KCNH5: variants seen among roughly 807,000 people sequenced by gnomAD.
KCNH5 encodes voltage-gated delayed rectifier potassium channel KCNH5.
A neutral mutation model predicts 96.1 loss-of-function variants in KCNH5; 46 were observed. That is an observed-to-expected ratio of 0.48 (90% CI 0.38 to 0.61). The LOEUF (loss-of-function observed/expected upper bound fraction) is 0.61, where lower values mean the gene tolerates loss of function less well. Ranked by LOEUF, KCNH5 falls within the 20% of genes least tolerant of loss-of-function variation. KCNH5 has a pLI of 0.00. For synonymous variants in KCNH5, 439 were observed against 449.8 expected (o/e 0.98, Z 0.30); for missense variants, 907 against 1,225.8 (o/e 0.74, Z 3.88).
chr14:62,864,497 T>G (rs1888096187), intron 7 of KCNH5, among the ~76,000 whole-genome samples: 1 of 152,174 alleles, frequency 6.6e-6, no homozygotes, highest in Admixed American at 6.6e-5. Flanking sequence ...TTTTGCAAAT[T>G]ATATGACTGA....
chr14:62,915,051 C>G (rs2140103760), intron 7 of KCNH5, among the ~76,000 whole-genome samples: 1 of 152,298 alleles, frequency 6.6e-6, no homozygotes, highest in African/African-American at 2.4e-5. Context: ...GGAATCAGAC[C>G]AATGCACCAC....
chr14:62,877,456 GCT>G (rs1888398573), intron 7 of KCNH5, among the ~76,000 whole-genome samples: 1 of 152,170 alleles, frequency 6.6e-6, no homozygotes, highest in Non-Finnish European at 1.5e-5. Context: ...GTGACAAAGG[GCT>G]AATATCCAGA....
At chr14:62,751,487 C>T (rs1037185720) in intron 10 of KCNH5, among the ~76,000 whole-genome samples, 6 of 152,194 alleles carry the variant, frequency 3.9e-5, no homozygotes, top group Admixed American at 6.5e-5. Flanking sequence ...ACTTGCCTGG[C>T]TATTTCGGCC....
At chr14:62,792,167 C>CT (rs1886449226) in intron 9 of KCNH5, among the ~76,000 whole-genome samples, 2 of 151,322 alleles carry the variant, frequency 1.3e-5, no homozygotes, top group Admixed American at 1.3e-4. Flanking sequence ...AGAATAAAAT[C>CT]TTTTAAAACA....
At chr14:62,908,782 A>ACTTTTTTTTT (rs71451284) in intron 7 of KCNH5, among the ~76,000 whole-genome samples, 6 of 23,710 alleles carry the variant, frequency 2.5e-4, no homozygotes, top group African/African-American at 1.1e-3. Context: ...TTTGCTTTGT[A>ACTTTTTTTTT]TTTTTTTTTT....
intron 6 of KCNH5, among the ~76,000 whole-genome samples, chr14:62,969,523 C>T (rs377465073): frequency 1.3e-5 from 2 of 151,754 alleles, no homozygotes; most frequent in African/African-American, 4.8e-5. Context: ...ACTCATAAGT[C>T]GGAGCTGAAT....
chr14:62,817,158 CATAATAT>C (rs541083746), intron 8 of KCNH5, among the ~76,000 whole-genome samples: 4,205 of 133,428 alleles, frequency 0.032, 117 homozygotes, highest in South Asian at 0.085. Flanking sequence ...CACACATATA[CATAATAT>C]ATAATATATA....
intron 3 of KCNH5, among the ~76,000 whole-genome samples, chr14:63,003,582 TAA>T (rs57165071): frequency 6.5e-5 from 8 of 123,794 alleles, no homozygotes; most frequent in African/African-American, 2.2e-4. Context: ...TTTATATACA[TAA>T]TATATATATT....
chr14:63,001,563 C>G, intron 3 of KCNH5, 104 bp from the exon 4 acceptor site: 4 of 1,081,176 alleles, frequency 3.7e-6, no homozygotes, highest in Non-Finnish European at 5.3e-6. Context: ...AACAGCTGTG[C>G]CAGGAATCAA....
chr14:62,791,476 G>A (rs1195945101), intron 9 of KCNH5, among the ~76,000 whole-genome samples: 1 of 151,604 alleles, frequency 6.6e-6, no homozygotes, highest in Non-Finnish European at 1.5e-5. Flanking sequence ...AAAAGACAGG[G>A]TGGCTGAATG....
chr14:62,923,399 T>C (rs965954178), intron 7 of KCNH5, among the ~76,000 whole-genome samples: 5 of 151,926 alleles, frequency 3.3e-5, no homozygotes, highest in Non-Finnish European at 7.4e-5. Context: ...ACCAAAGGAA[T>C]CTACACATCA....
At position 62,847,498 on chromosome 14, in the gene KCNH5, A is replaced by G. The variant is rs1400815673; in HGVS notation, c.1569+2155T>C. 2.0e-5 allele frequency among the ~76,000 whole-genome samples: 3 copies of G among 152,146 alleles called. No individual in the cohort carries two copies. The East Asian group carries it at 5.8e-4, about 29-fold the overall frequency. ...GACTGGGATAAATCAATACAGGCAT[A>G]GAGTATGTTTCATATATGAACAAGG... On this transcript the variant is annotated intron_variant, in intron 8 of 10. Coordinates refer to ENST00000322893, the MANE Select transcript of KCNH5 (RefSeq NM_139318.5).
chr14:62,836,804 C>T (rs551616193), intron 8 of KCNH5, among the ~76,000 whole-genome samples: 97 of 152,146 alleles, frequency 6.4e-4, no homozygotes, highest in African/African-American at 2.1e-3. Flanking sequence ...AGGACCATGC[C>T]TATCTTGGTC....
chr14:62,951,202 A>G (rs1339735922), intron 6 of KCNH5, among the ~76,000 whole-genome samples: 2 of 148,958 alleles, frequency 1.3e-5, no homozygotes, highest in Non-Finnish European at 2.9e-5. Flanking sequence ...TATCCTATCC[A>G]TTCTCTAGCA....
chr14:62,709,272 T>C (rs1418305911), intron 10 of KCNH5, among the ~76,000 whole-genome samples: 1 of 147,094 alleles, frequency 6.8e-6, no homozygotes, highest in Non-Finnish European at 1.5e-5. Context: ...ATCCTCTGTT[T>C]GGGTATCAGA....
At chr14:62,952,683 G>A (rs1373235783) in intron 6 of KCNH5, among the ~76,000 whole-genome samples, 1 of 152,104 alleles carries the variant, frequency 6.6e-6, no homozygotes, top group Non-Finnish European at 1.5e-5. Context: ...TTAAAGCAAA[G>A]AGAAGGAAAA....
intron 7 of KCNH5, among the ~76,000 whole-genome samples, chr14:62,872,778 T>C (rs1169107863): frequency 6.6e-6 from 1 of 152,056 alleles, no homozygotes; most frequent in Admixed American, 6.6e-5. Context: ...TATAGAAAAG[T>C]TCTAAGAACT....
intron 8 of KCNH5, among the ~76,000 whole-genome samples, chr14:62,823,013 G>A (rs1887146204): frequency 6.6e-6 from 1 of 151,992 alleles, no homozygotes; most frequent in Non-Finnish European, 1.5e-5. Context: ...TGTAATGGTT[G>A]GAGGTGTACC....
chr14:63,004,000 C>T (rs1196479996), intron 3 of KCNH5, among the ~76,000 whole-genome samples: 1 of 152,072 alleles, frequency 6.6e-6, no homozygotes, highest in African/African-American at 2.4e-5. Context: ...AGCACTGGAC[C>T]TACAGAACAG....
Sources: allele counts gnomAD v4.1 joint callset (sites outside exome capture counted in the v4.1 genomes callset), GRCh38; gene constraint gnomAD v4.1.1; transcripts MANE v1.5; gene names NCBI Gene and HGNC (gene_info 2026-07-23, HGNC 2026-07-21).